Variants in MAP4K3 observed in about 807,000 individuals in gnomAD.
MAP4K3 encodes mitogen-activated protein kinase kinase kinase kinase 3, also known as MAPK/ERK kinase kinase kinase 3.
In MAP4K3, 94 loss-of-function variants were observed where a neutral mutation model predicts 143.5. The ratio of observed to expected loss-of-function variants is 0.65; its 90% CI spans 0.55 to 0.78. The LOEUF (loss-of-function observed/expected upper bound fraction) is 0.78, where lower values mean the gene tolerates loss of function less well. Ranked by LOEUF, MAP4K3 falls within the 30% of genes least tolerant of loss-of-function variation. The pLI, the probability that MAP4K3 is intolerant of heterozygous loss-of-function variation, is 0.00. For synonymous variants in MAP4K3, 416 were observed against 347.2 expected, an observed-to-expected ratio of 1.20 and a Z score of -2.20; for missense variants, 1,077 against 1,068.1, an observed-to-expected ratio of 1.01 and a Z score of -0.12.
chr2:39,378,926 C>G (rs1666291113), intron 1 of MAP4K3, among the ~76,000 whole-genome samples: 1 of 151,330 alleles, frequency 6.6e-6, no homozygotes, highest in African/African-American at 2.4e-5. Context: ...TAAGCAGAAA[C>G]TATATTAAAA....
chr2:39,250,794 T>G, intron 33 of MAP4K3, 89 bp from the exon 34 acceptor site: 5 of 968,754 alleles, frequency 5.2e-6, no homozygotes, highest in Non-Finnish European at 8.1e-6. Context: ...CTCCAATATG[T>G]GCCTCTATAA....
chr2:39,275,865 ATTTATT>A (rs969501410), intron 24 of MAP4K3, among the ~76,000 whole-genome samples: 20 of 152,136 alleles, frequency 1.3e-4, no homozygotes, highest in East Asian at 9.7e-4. Context: ...TTTGTAATCA[ATTTATT>A]TTTATTTTTA....
At chr2:39,312,880 A>G (rs1465228679) in intron 13 of MAP4K3, among the ~76,000 whole-genome samples, 2 of 152,194 alleles carry the variant, frequency 1.3e-5, no homozygotes, top group African/African-American at 4.8e-5. Flanking sequence ...TTGTGCATCT[A>G]TCTGCCTTGT....
chr2:39,319,735 A>G (rs528673225), intron 12 of MAP4K3, among the ~76,000 whole-genome samples: 7 of 152,356 alleles, frequency 4.6e-5, no homozygotes, highest in Middle Eastern at 3.4e-3. Flanking sequence ...TATGCAGTAG[A>G]TAAGAACCTA....
chr2:39,430,630 A>T lies in MAP4K3; in HGVS notation c.96+6262T>A, dbSNP rs572012631. ...TAAAAGCCCAATTTAATCGTATTTT[A>T]AAAAAAACAAAATAAAAGTCATATG... On this transcript the variant is annotated intron_variant, in intron 1 of 33. Coordinates refer to ENST00000263881, the MANE Select transcript of MAP4K3 (RefSeq NM_003618.4). Among the ~76,000 whole-genome samples the T allele has an allele frequency of 1.1e-4, 16 of 152,032 alleles. No homozygotes were observed. In the East Asian group the frequency reaches 1.5e-3, roughly 15 times the overall value.
At chr2:39,327,901 A>G (rs1683546654) in intron 8 of MAP4K3, among the ~76,000 whole-genome samples, 1 of 152,224 alleles carries the variant, frequency 6.6e-6, no homozygotes, top group Non-Finnish European at 1.5e-5. Flanking sequence ...TACAAGGGAA[A>G]CATTACACTT....
chr2:39,315,991 AAAAT>A (rs1289349710), intron 12 of MAP4K3, among the ~76,000 whole-genome samples: 1 of 152,150 alleles, frequency 6.6e-6, no homozygotes, highest in Non-Finnish European at 1.5e-5. Context: ...TAAGACTGGA[AAAAT>A]TATATAACTT....
chr2:39,393,900 T>C (rs1666736496), intron 1 of MAP4K3, among the ~76,000 whole-genome samples: 1 of 152,210 alleles, frequency 6.6e-6, no homozygotes, highest in Non-Finnish European at 1.5e-5. Context: ...TGGACATGTG[T>C]AGTTCAAGTT....
Position 39,272,540 on chromosome 2 carries a change from T to C in MAP4K3, c.1797A>G (p.Leu599=), listed in dbSNP as rs146223460. Residue 599 remains leucine, a splice_region_variant and synonymous_variant, in exon 25 of 34, where the codon CTA becomes CTG. Transcript: ENST00000263881. Reference sequence around the variant, plus strand: ...ACAACCATGTACACCTTCGAGGGAATAGCTGATTAAAAAAAGGCACAAAGT... The same window carrying C: ...ACAACCATGTACACCTTCGAGGGAACAGCTGATTAAAAAAAGGCACAAAGT... ...NELHETSMEQ[L]FPRRCTWLYV... is the part of the protein sequence containing the mutation. The C allele has an allele frequency of 2.4e-5, 39 of 1,612,862 alleles. No homozygotes were observed. The highest frequency in any genetic ancestry group is 1.1e-4 in the East Asian group (5 of 44,742).
At chr2:39,281,226 A>AAT (rs1242349042) in intron 22 of MAP4K3, among the ~76,000 whole-genome samples, 1 of 152,226 alleles carries the variant, frequency 6.6e-6, no homozygotes, top group Non-Finnish European at 1.5e-5. Context: ...TTATAGAAGG[A>AAT]ATGTCTTCCT....
chr2:39,345,226 AAGTT>A (rs954847773), intron 3 of MAP4K3, among the ~76,000 whole-genome samples: 12 of 151,598 alleles, frequency 7.9e-5, no homozygotes, highest in African/African-American at 2.9e-4. Context: ...CAAACAAAAA[AAGTT>A]AGCCAGGAGA....
chr2:39,266,394 T>C (rs773449135), intron 27 of MAP4K3, among the ~76,000 whole-genome samples: 7 of 152,254 alleles, frequency 4.6e-5, no homozygotes, highest in Admixed American at 4.6e-4. Flanking sequence ...AATAAGTACA[T>C]GCTCACACAA....
intron 7 of MAP4K3, among the ~76,000 whole-genome samples, 174 bp downstream of exon 7, chr2:39,333,358 C>T (rs905304839): frequency 6.6e-6 from 1 of 152,016 alleles, no homozygotes; most frequent in Non-Finnish European, 1.5e-5. Context: ...CAGACTTTAT[C>T]CCTGTTTAAG....
chr2:39,379,343 A>G (rs1354035914), intron 1 of MAP4K3, among the ~76,000 whole-genome samples: 1 of 152,132 alleles, frequency 6.6e-6, no homozygotes, highest in Non-Finnish European at 1.5e-5. Flanking sequence ...GGGAAAATTC[A>G]TTTAAAAATT....
chr2:39,356,390 CTCAT>C (rs774965707), intron 2 of MAP4K3, 51 bp from the exon 3 acceptor site: 1 of 955,702 alleles, frequency 1.0e-6, no homozygotes, highest in African/African-American at 1.6e-5. Context: ...TTTCAAAATG[CTCAT>C]TTATTTCAAA....
Position 39,282,411 on chromosome 2 carries a change from T to C in MAP4K3, c.1629+102A>G. On this transcript the variant is annotated intron_variant, in intron 22 of 33. Coordinates refer to ENST00000263881, the MANE Select transcript of MAP4K3 (RefSeq NM_003618.4). ...AGCAATCTTATAGATTTTTTTTCAA[T>C]AATAATGAAAGTTCTTTCAAACAGA... is the stretch of plus-strand genomic sequence containing the variant. The C allele has an allele frequency of 4.3e-6, 4 of 927,318 alleles. No homozygotes were observed. The South Asian group carries it at 5.9e-5, about 14-fold the overall frequency. The allele number at this position is 927,318 out of a possible 1,614,324, so 57.4% of individuals were successfully genotyped here.
intron 1 of MAP4K3, among the ~76,000 whole-genome samples, chr2:39,393,669 C>A (rs913958383): frequency 6.6e-6 from 1 of 151,986 alleles, no homozygotes; most frequent in African/African-American, 2.4e-5. Context: ...GTGAATGAAC[C>A]AATTTCTAGA....
chr2:39,357,737 A>T (rs1665650875), intron 2 of MAP4K3, among the ~76,000 whole-genome samples: 1 of 152,256 alleles, frequency 6.6e-6, no homozygotes, highest in Non-Finnish European at 1.5e-5. Context: ...GTATATTAGA[A>T]GAAAACAAAA....
At chr2:39,432,667 A>G (rs750713905) in intron 1 of MAP4K3, among the ~76,000 whole-genome samples, 1 of 152,258 alleles carries the variant, frequency 6.6e-6, no homozygotes, top group Non-Finnish European at 1.5e-5. Context: ...TAATGGAAGA[A>G]TTAGTCTATG....
Sources: allele counts gnomAD v4.1 joint callset (sites outside exome capture counted in the v4.1 genomes callset), GRCh38; gene constraint gnomAD v4.1.1; transcripts MANE v1.5; gene names NCBI Gene and HGNC (gene_info 2026-07-23, HGNC 2026-07-21).